ARID5B: variants seen among roughly 807,000 people sequenced by gnomAD.
ARID5B encodes the protein AT-rich interactive domain-containing protein 5B.
ARID5B carries 13 observed loss-of-function variants against 97.2 expected under a neutral mutation model. The observed-to-expected ratio is 0.13, with a 90% CI of 0.09 to 0.21. ARID5B has a LOEUF of 0.21. Ranked by LOEUF, ARID5B falls within the 10% of genes least tolerant of loss-of-function variation. ARID5B has a pLI of 1.00. For missense variants in ARID5B, 1,210 were observed against 1,465.3 expected, an observed-to-expected ratio of 0.83 and a Z score of 2.84; for synonymous variants, 556 against 570.3, an observed-to-expected ratio of 0.97 and a Z score of 0.36.
At chr10:61,904,408 C>A (rs1367245938) in intron 2 of ARID5B, among the ~76,000 whole-genome samples, 1 of 152,110 alleles carries the variant, frequency 6.6e-6, no homozygotes, top group Non-Finnish European at 1.5e-5. Flanking sequence ...ATTTGCCAAA[C>A]GTTGCATCTG....
At chr10:61,940,142 A>G in intron 2 of ARID5B, 41 bp from the exon 3 acceptor site, 1 of 1,594,418 alleles carries the variant, frequency 6.3e-7, no homozygotes, top group Non-Finnish European at 8.6e-7. Flanking sequence ...CCTCAAACCT[A>G]TAAATAACGT....
intron 3 of ARID5B, among the ~76,000 whole-genome samples, chr10:61,950,735 G>T (rs1838312182): frequency 6.6e-6 from 1 of 152,168 alleles, no homozygotes; most frequent in African/African-American, 2.4e-5. Flanking sequence ...GCTTGATTCA[G>T]CAGTTCCCCT....
At chr10:62,090,744 C>T (rs1422540336) in intron 9 of ARID5B, 118 bp from the exon 10 acceptor site, 21 of 1,289,526 alleles carry the variant, frequency 1.6e-5, no homozygotes, top group South Asian at 9.7e-5. Context: ...AGAAACTTCA[C>T]GAGCTGATTG....
chr10:61,976,351 C>A (rs1032240765), intron 3 of ARID5B, among the ~76,000 whole-genome samples: 1 of 152,186 alleles, frequency 6.6e-6, no homozygotes, highest in African/African-American at 2.4e-5. Context: ...AGAAGCTATT[C>A]TATTGGATAA....
At chr10:61,983,867 C>CTTT (rs1164342402) in intron 3 of ARID5B, among the ~76,000 whole-genome samples, 302 of 27,578 alleles carry the variant, frequency 0.011, 84 homozygotes, top group Non-Finnish European at 0.013. Context: ...CCCTTTTGTT[C>CTTT]TTTTTTTTTT....
chr10:62,007,725 A>G (rs770461536), intron 4 of ARID5B, among the ~76,000 whole-genome samples: 12 of 152,180 alleles, frequency 7.9e-5, no homozygotes, highest in Non-Finnish European at 1.6e-4. Flanking sequence ...ATTGATACAG[A>G]CTGCTGGGGA....
At chr10:61,929,667 C>A (rs1844170241) in intron 2 of ARID5B, among the ~76,000 whole-genome samples, 1 of 152,172 alleles carries the variant, frequency 6.6e-6, no homozygotes, top group Admixed American at 6.5e-5. Context: ...TTCTCCTGAG[C>A]AATTTGCCCT....
chr10:62,086,690 C>CA (rs747189859), intron 9 of ARID5B, among the ~76,000 whole-genome samples: 483 of 23,806 alleles, frequency 0.02, 28 homozygotes, highest in Admixed American at 0.11. Context: ...GACTCCATCT[C>CA]AAAAAAAAAA....
intron 3 of ARID5B, among the ~76,000 whole-genome samples, chr10:61,947,640 TG>T (rs1291659277): frequency 6.6e-6 from 1 of 152,224 alleles, no homozygotes; most frequent in Non-Finnish European, 1.5e-5. Context: ...TCATTTCATT[TG>T]AAATTTAAAT....
intron 7 of ARID5B, among the ~76,000 whole-genome samples, 195 bp downstream of exon 7, chr10:62,059,490 C>T (rs182544535): frequency 6.6e-6 from 1 of 152,174 alleles, no homozygotes; most frequent in African/African-American, 2.4e-5. Context: ...GTAAACTTGT[C>T]GTAAAAACTA....
intron 5 of ARID5B, among the ~76,000 whole-genome samples, chr10:62,052,253 A>C (rs545395263): frequency 6.6e-6 from 1 of 152,338 alleles, no homozygotes; most frequent in African/African-American, 2.4e-5. Flanking sequence ...GGATGCCATG[A>C]ATGACATTTT....
rs1450406969 is a variant in ARID5B at position 62,019,971 on chromosome 10, G to T, written c.733+19650G>T. ...TTCCTAGGCAGTGAGTCTTCTAATTGTGACCCTCCTAACTGTGACCCTCTG... is the reference window on the plus strand; with the variant it reads ...TTCCTAGGCAGTGAGTCTTCTAATTTTGACCCTCCTAACTGTGACCCTCTG... On this transcript the variant is annotated intron_variant, in intron 4 of 9. Transcript: ENST00000279873. Among the ~76,000 whole-genome samples, 4 of 152,056 alleles carry T rather than the reference G, an allele frequency of 2.6e-5. No individual in the cohort carries two copies. In the East Asian group the frequency reaches 7.7e-4, roughly 29 times the overall value.
Position 62,091,655 on chromosome 10 carries a change from G to A in ARID5B, c.2192G>A (p.Ser731Asn). ...ATTGCTAGGGATGACTTGTGTTCCA[G>A]TTTGTCCCAGACCCACCATGGCCAA... ...KLIARDDLCSSLSQTHHGQST... is the reference protein window; with the variant it reads ...KLIARDDLCSNLSQTHHGQST... Residue 731 changes from serine to asparagine, a missense_variant, in exon 10 of 10, where the codon AGT becomes AAT. By Grantham distance (46) the Ser-to-Asn change is conservative. This residue lies in a region of ARID5B where 800 missense variants were observed against 839.1 expected (regional missense o/e 0.95). Transcript: ENST00000279873. The A allele has an allele frequency of 6.2e-7, 1 of 1,614,170 alleles. No homozygotes were observed. Among genetic ancestry groups the A allele is most frequent in the South Asian group, 1.1e-5 (1 of 91,084 alleles).
chr10:61,995,366 G>T (rs991525657), intron 3 of ARID5B, among the ~76,000 whole-genome samples: 2 of 152,174 alleles, frequency 1.3e-5, no homozygotes. Context: ...TGAAATGCGT[G>T]GGCAAGAAAG....
intron 2 of ARID5B, among the ~76,000 whole-genome samples, chr10:61,933,712 A>G (rs1844251588): frequency 6.6e-6 from 1 of 152,210 alleles, no homozygotes; most frequent in Admixed American, 6.5e-5. Context: ...AATTTTCAGT[A>G]AACCCTGCTG....
chr10:61,968,187 TACACAC>T (rs33990104), intron 3 of ARID5B, among the ~76,000 whole-genome samples: 5 of 138,190 alleles, frequency 3.6e-5, no homozygotes, highest in Non-Finnish European at 6.2e-5. Flanking sequence ...CACATATTTA[TACACAC>T]ACACACACAC....
chr10:61,904,321 G>A (rs77686684), intron 2 of ARID5B, among the ~76,000 whole-genome samples: 4,991 of 152,110 alleles, frequency 0.033, 259 homozygotes, highest in African/African-American at 0.11. Context: ...AAGACCCTGA[G>A]TTGACCCCAC....
chr10:61,954,659 G>C (rs1838366974), intron 3 of ARID5B, among the ~76,000 whole-genome samples: 1 of 152,148 alleles, frequency 6.6e-6, no homozygotes. Context: ...GAATACGCTT[G>C]TGTGTTTGTG....
At chr10:62,050,014 G>A (rs1459088970) in intron 4 of ARID5B, among the ~76,000 whole-genome samples, 1 of 152,202 alleles carries the variant, frequency 6.6e-6, no homozygotes, top group African/African-American at 2.4e-5. Context: ...GAAGTTAAAT[G>A]TGAAAGCTGA....
Sources: allele counts gnomAD v4.1 joint callset (sites outside exome capture counted in the v4.1 genomes callset), GRCh38; gene constraint gnomAD v4.1.1; regional missense constraint gnomAD v4.1.1; transcripts MANE v1.5; gene names NCBI Gene and HGNC (gene_info 2026-07-23, HGNC 2026-07-21).